CASC3: variants seen among roughly 807,000 people sequenced by gnomAD.
The protein encoded by CASC3 is protein CASC3.
Under a neutral mutation model 80.5 loss-of-function variants are expected in CASC3, and 30 were observed. The observed-to-expected ratio is 0.37, with a 90% CI of 0.28 to 0.51. CASC3 has a LOEUF of 0.51. CASC3 is among the 20% of genes least tolerant of loss of function. The pLI is 0.94. For synonymous variants in CASC3, 312 were observed against 333.6 expected, an observed-to-expected ratio of 0.94 and a Z score of 0.70; for missense variants, 824 against 922.2, an observed-to-expected ratio of 0.89 and a Z score of 1.38.
intron 6 of CASC3, 41 bp downstream of exon 6, chr17:40,162,942 G>A (rs1261669459): frequency 1.3e-6 from 2 of 1,549,146 alleles, no homozygotes; most frequent in South Asian, 2.3e-5. Flanking sequence ...TGGGTATGGT[G>A]GCTTACGGTG....
intron 3 of CASC3, among the ~76,000 whole-genome samples, chr17:40,152,971 T>G (rs1221321875): frequency 6.7e-6 from 1 of 150,292 alleles, no homozygotes; most frequent in African/African-American, 2.5e-5. Context: ...GAGACAGGGT[T>G]TCACCATGTT....
intron 7 of CASC3, among the ~76,000 whole-genome samples, chr17:40,165,891 C>A (rs1263122425): frequency 6.6e-6 from 1 of 151,560 alleles, no homozygotes; most frequent in African/African-American, 2.4e-5. Context: ...TCAGCCTCCT[C>A]AGTAGCTAAG....
intron 3 of CASC3, among the ~76,000 whole-genome samples, chr17:40,146,105 T>A (rs980893628): frequency 1.3e-5 from 2 of 152,180 alleles, no homozygotes; most frequent in African/African-American, 4.8e-5. Context: ...GAGGATTCTT[T>A]TATAGCAGTT....
intron 3 of CASC3, among the ~76,000 whole-genome samples, chr17:40,146,174 A>G (rs1421349536): frequency 6.6e-6 from 1 of 152,162 alleles, no homozygotes; most frequent in South Asian, 2.1e-4. Flanking sequence ...TAAGAAAGCT[A>G]TTGTAGGAAT....
In CASC3 at chr17:40,167,942, C is replaced by T. The variant is rs758658764; in HGVS notation, c.1744C>T (p.His582Tyr). ...TGTGCAGCCAGGAATGAACCTTCCCCACCCAGGTAAGCTTTGTGTCTCTGC... is the reference window on the plus strand; with the variant it reads ...TGTGCAGCCAGGAATGAACCTTCCCTACCCAGGTAAGCTTTGTGTCTCTGC... ...MLVQPGMNLP[H>Y]PGLHPHQTPA... The change falls in exon 10 of 14, where the codon CAC (histidine) becomes TAC (tyrosine). Residue 582 changes from histidine to tyrosine, a missense_variant. Physicochemically the swap from His to Tyr is moderately conservative, Grantham distance 83. Around this residue, in one of 3 missense-constraint regions of CASC3, gnomAD observed 464 missense variants for 506.0 expected, o/e 0.92. Transcript: ENST00000264645. 6.2e-7 allele frequency: 1 copy of T among 1,613,928 alleles called. No homozygotes were observed. The highest frequency in any genetic ancestry group is 8.5e-7 in the Non-Finnish European group (1 of 1,179,852).
At chr17:40,159,552 T>G (rs1358107033) in intron 3 of CASC3, among the ~76,000 whole-genome samples, 5 of 148,324 alleles carry the variant, frequency 3.4e-5, no homozygotes, top group East Asian at 3.9e-4. Context: ...GTGTTTTTTT[T>G]TTTTTTTTTT....
At chr17:40,150,112 G>A (rs7206995) in intron 3 of CASC3, among the ~76,000 whole-genome samples, 5,890 of 152,152 alleles carry the variant, frequency 0.039, 379 homozygotes, top group African/African-American at 0.14. Flanking sequence ...CAGGCACGGT[G>A]GCTCACACCT....
chr17:40,163,116 A>C lies in CASC3; in HGVS notation c.785+215A>C, dbSNP rs967429809. Among the ~76,000 whole-genome samples the C allele has an allele frequency of 2.4e-4, 37 of 151,956 alleles. 2 individuals are homozygous for C. Among genetic ancestry groups the C allele is most frequent in the Non-Finnish European group, 3.1e-4 (21 of 67,952 alleles). The stretch of plus-strand genomic sequence containing the variant: ...GTGTAGACTCTTGATATCTTTTAGA[A>C]AGAATTCTCTTTGCTTTTCTTTTTA... On this transcript the variant is annotated intron_variant, in intron 6 of 13. Transcript: ENST00000264645.
At chr17:40,152,485 C>G (rs1009103481) in intron 3 of CASC3, among the ~76,000 whole-genome samples, 1 of 151,998 alleles carries the variant, frequency 6.6e-6, no homozygotes, top group African/African-American at 2.4e-5. Flanking sequence ...CCAAGCCCAG[C>G]TAGTTTTGTA....
At position 40,162,125 on chromosome 17, in the gene CASC3, C is replaced by T. The variant is rs370981426; in HGVS notation, c.580C>T (p.Arg194Ter). The T allele has an allele frequency of 6.2e-7, 1 of 1,613,374 alleles. No homozygotes were observed. Among genetic ancestry groups the T allele is most frequent in the Non-Finnish European group, 8.5e-7 (1 of 1,179,798 alleles). ...RKGLFFEHDL[R>*]GQTQEEEVRP... ...AGGGCTCTTCTTTGAGCATGATCTT[C>T]GAGGGCAAACTCAGGAGGAGGAAGT... The change falls in exon 5 of 14, where the codon CGA (arginine) becomes TGA (stop). Residue 194 changes from arginine (R) to a stop codon, truncating the protein, a stop_gained. Coordinates refer to ENST00000264645, the MANE Select transcript of CASC3 (RefSeq NM_007359.5). LOFTEE classifies it high-confidence loss of function.
intron 8 of CASC3, 77 bp downstream of exon 8, chr17:40,166,938 G>T: frequency 1.9e-6 from 2 of 1,064,442 alleles, no homozygotes; most frequent in South Asian, 1.5e-5. Flanking sequence ...ACCAAGATAA[G>T]GTCTTTTTTT....
At chr17:40,164,194 T>C in intron 7 of CASC3, 28 bp downstream of exon 7, 1 of 1,533,538 alleles carries the variant, frequency 6.5e-7, no homozygotes, top group Non-Finnish European at 8.8e-7. Flanking sequence ...GGTGGCTAGC[T>C]TTTTCCCCTT....
chr17:40,160,027 TG>T (rs1989253613), intron 3 of CASC3, among the ~76,000 whole-genome samples: 1 of 152,038 alleles, frequency 6.6e-6, no homozygotes, highest in Admixed American at 6.6e-5. Flanking sequence ...AGCAGTTGTT[TG>T]TCATTGTATG....
At chr17:40,142,306 A>C (rs1262787142) in intron 3 of CASC3, among the ~76,000 whole-genome samples, 6 of 152,252 alleles carry the variant, frequency 3.9e-5, no homozygotes, top group Non-Finnish European at 8.8e-5. Context: ...CAACTCAATA[A>C]GGAAGTCAGA....
intron 3 of CASC3, among the ~76,000 whole-genome samples, chr17:40,158,547 A>G (rs906186499): frequency 1.3e-5 from 2 of 152,134 alleles, no homozygotes; most frequent in African/African-American, 2.4e-5. Flanking sequence ...TTCCCTTATC[A>G]TGAGCCTTAG....
intron 9 of CASC3, 96 bp downstream of exon 9, chr17:40,167,708 T>G (rs993370431): frequency 1.6e-6 from 2 of 1,223,922 alleles, no homozygotes; most frequent in African/African-American, 3.0e-5. Context: ...TCTGACCTCT[T>G]ATAGTGGTTA....
chr17:40,164,219 T>G, intron 7 of CASC3, 53 bp downstream of exon 7: 3 of 1,380,688 alleles, frequency 2.2e-6, no homozygotes, highest in African/African-American at 1.4e-5. Context: ...TCATCAGGTT[T>G]AGGGGCATGG....
In CASC3 at chr17:40,171,582, C is replaced by T. The variant is rs1182215750; in HGVS notation, c.*1177C>T. 2 of 990,960 alleles carry T rather than the reference C, an allele frequency of 2.0e-6. No individual in the cohort carries two copies. The highest frequency in any genetic ancestry group is 3.5e-5 in the African/African-American group (2 of 57,302). 61.4% of individuals were successfully genotyped at this position (990,960 alleles called of 1,614,324 possible). A position where few individuals can be genotyped will look rare whatever the true frequency, so the allele number is the denominator to read the frequency against. ...CAGACAGAATATAAAAACTCCTGGG[C>T]TTAAGGCCTAAGGAAGCCAGTCACC... On this transcript the variant is annotated 3_prime_UTR_variant, in exon 14 of 14. Coordinates refer to ENST00000264645, the MANE Select transcript of CASC3 (RefSeq NM_007359.5).
At chr17:40,143,078 C>T (rs1988762096) in intron 3 of CASC3, among the ~76,000 whole-genome samples, 1 of 148,276 alleles carries the variant, frequency 6.7e-6, no homozygotes, top group South Asian at 2.1e-4. Flanking sequence ...CAGAGTGAGA[C>T]TCTGTCTCAA....
Sources: gnomAD v4.1 joint callset for allele counts (sites outside exome capture counted in the v4.1 genomes callset) on GRCh38, gnomAD v4.1.1 for gene constraint, gnomAD v4.1.1 regional missense constraint, MANE v1.5 for transcripts, NCBI Gene and HGNC (gene_info 2026-07-23, HGNC 2026-07-21) for gene names.